Variants in GRIK5 observed in about 807,000 individuals in gnomAD.
The protein encoded by GRIK5 is glutamate ionotropic receptor kainate type subunit 5.
Under a neutral mutation model 97.4 loss-of-function variants are expected in GRIK5, and 43 were observed. The observed-to-expected ratio is 0.44, with a 90% CI of 0.35 to 0.57. GRIK5 has a LOEUF of 0.57. Among genes scored for constraint, GRIK5 ranks in the 20% least tolerant of loss-of-function variants. The pLI, the probability that GRIK5 is intolerant of heterozygous loss-of-function variation, is 0.01. For missense variants in GRIK5, 1,015 were observed against 1,382.0 expected, an observed-to-expected ratio of 0.73 and a Z score of 4.21; for synonymous variants, 580 against 583.5, an observed-to-expected ratio of 0.99 and a Z score of 0.09.
intron 11 of GRIK5, among the ~76,000 whole-genome samples, chr19:42,050,923 C>G (rs575037581): frequency 6.6e-5 from 10 of 152,196 alleles, no homozygotes; most frequent in African/African-American, 2.4e-4. Context: ...TTGGGCACTG[C>G]AAGGGCCTTC....
intron 12 of GRIK5, among the ~76,000 whole-genome samples, chr19:42,029,690 C>T (rs1055886024): frequency 1.3e-5 from 2 of 152,164 alleles, no homozygotes; most frequent in Admixed American, 1.3e-4. Flanking sequence ...ATGAATCTCC[C>T]GATCTGCTGG....
In GRIK5 at chr19:42,002,028, G is replaced by T; in HGVS notation, c.2514+1304C>A. 1 of 635,962 alleles carries T rather than the reference G, an allele frequency of 1.6e-6. No homozygotes were observed. Among genetic ancestry groups the T allele is most frequent in the Non-Finnish European group, 2.9e-6 (1 of 349,524 alleles). 39.4% of individuals were successfully genotyped at this position (635,962 alleles called of 1,614,324 possible). On this transcript the variant is annotated intron_variant, in intron 19 of 19. Transcript: ENST00000593562. This position sits in a 1 kb window ranked among gnomAD's most constrained non-coding sequence, Gnocchi z 5.2. ...GAGTGACCGGAGAAGTGGGAGAAGG[G>T]GAAGAAGGGGCTTTGAGGATTGAGA... is the stretch of plus-strand genomic sequence containing the variant.
At chr19:42,001,036 A>G (rs1159647991) in intron 19 of GRIK5, among the ~76,000 whole-genome samples, 2 of 151,968 alleles carry the variant, frequency 1.3e-5, no homozygotes, top group Non-Finnish European at 2.9e-5. Flanking sequence ...CAACCAATCT[A>G]TACCCCCAAC....
chr19:42,030,367 A>G (rs1006092285), intron 12 of GRIK5, among the ~76,000 whole-genome samples: 1 of 152,034 alleles, frequency 6.6e-6, no homozygotes, highest in Non-Finnish European at 1.5e-5. Flanking sequence ...TTTTTAGTAG[A>G]GATGGGGTTT....
Position 42,069,796 on chromosome 19 carries a change from A to G in GRIK5, c.-606T>C, listed in dbSNP as rs2076398753. Among the ~76,000 whole-genome samples the G allele has an allele frequency of 6.6e-6, 1 of 151,742 alleles. No individual in the cohort carries two copies. Among genetic ancestry groups the G allele is most frequent in the African/African-American group, 2.4e-5 (1 of 41,288 alleles). Reference sequence around the variant, plus strand: ...GCCTGGGCCCTGCCCTGGTTGAGGCAAGGGCCCGGAGTCCTCAAGCCCTCA... The same window carrying G: ...GCCTGGGCCCTGCCCTGGTTGAGGCGAGGGCCCGGAGTCCTCAAGCCCTCA... On this transcript the variant is annotated 5_prime_UTR_variant, in exon 1 of 20. Coordinates refer to ENST00000593562, the MANE Select transcript of GRIK5 (RefSeq NM_002088.5).
At chr19:42,029,009 T>C (rs777280816) in intron 12 of GRIK5, among the ~76,000 whole-genome samples, 5 of 152,116 alleles carry the variant, frequency 3.3e-5, no homozygotes, top group African/African-American at 4.8e-5. Context: ...AGAAGGAGGA[T>C]TGCTTGAGCC....
chr19:42,064,747 C>T (rs1460313750), intron 3 of GRIK5, among the ~76,000 whole-genome samples: 1 of 152,238 alleles, frequency 6.6e-6, no homozygotes, highest in Non-Finnish European at 1.5e-5. Context: ...CACCTTCGAA[C>T]ATTCAGCCCA....
At chr19:42,012,029 G>C (rs2075568830) in intron 15 of GRIK5, among the ~76,000 whole-genome samples, 1 of 152,146 alleles carries the variant, frequency 6.6e-6, no homozygotes, top group Non-Finnish European at 1.5e-5. Flanking sequence ...ACAAAGAACA[G>C]ATGGGACAAA....
At chr19:42,037,594 A>G (rs961635498) in intron 12 of GRIK5, among the ~76,000 whole-genome samples, 1 of 152,222 alleles carries the variant, frequency 6.6e-6, no homozygotes, top group African/African-American at 2.4e-5. Flanking sequence ...GGGGACCTGA[A>G]GCTGGCTCCT....
In GRIK5 at chr19:42,006,690, G is replaced by A. The variant is rs1368684542; in HGVS notation, c.1992C>T (p.Ile664=). The A allele has an allele frequency of 8.1e-6, 13 of 1,613,928 alleles. No individual in the cohort carries two copies. The highest frequency in any genetic ancestry group is 2.7e-5 in the African/African-American group (2 of 74,942). The change falls in exon 16 of 20, where the codon ATC becomes ATT. Residue 664 remains isoleucine (I), a synonymous_variant. Transcript: ENST00000593562. This position sits in a 1 kb window ranked among gnomAD's most constrained non-coding sequence, Gnocchi z 5.3. ...SADDLADQTN[I]EYGTIHAGST... ...AGCCGGCGTGGATGGTGCCATACTC[G>A]ATGTTGGTCTGATCTGCCAGGTCAT...
At position 42,049,175 on chromosome 19, in the gene GRIK5, G is replaced by A. The variant is rs565237632; in HGVS notation, c.1269+4427C>T. On this transcript the variant is annotated intron_variant, in intron 11 of 19. Coordinates refer to ENST00000593562, the MANE Select transcript of GRIK5 (RefSeq NM_002088.5). ...TTTATACACTCACCACTGACAAACC[G>A]AGTAGCAAGTGGAATTTTCATTCAT... is the stretch of plus-strand genomic sequence containing the variant. Among the ~76,000 whole-genome samples the A allele has an allele frequency of 4.2e-4, 64 of 152,210 alleles. 1 individual carries two copies. The South Asian group carries it at 0.011, about 26-fold the overall frequency.
intron 12 of GRIK5, among the ~76,000 whole-genome samples, chr19:42,041,267 G>A (rs1740168461): frequency 6.6e-6 from 1 of 152,158 alleles, no homozygotes; most frequent in Non-Finnish European, 1.5e-5. Flanking sequence ...CTAACGTCAA[G>A]GCTGCCCTGG....
rs1555872458 is a variant in GRIK5, at chr19:42,005,882, C to T, written c.2104G>A (p.Val702Ile). Residue 702 changes from valine to isoleucine, a missense_variant, in exon 17 of 20, where the codon GTC becomes ATC. By Grantham distance (29) the Val-to-Ile change is conservative. Around this residue, in one of 5 missense-constraint regions of GRIK5, gnomAD observed 229 missense variants for 341.0 expected, o/e 0.67. Coordinates refer to ENST00000593562, the MANE Select transcript of GRIK5 (RefSeq NM_002088.5). The stretch of plus-strand genomic sequence containing the variant: ...GCAATGCCCTCTTCTGTGCTCTTGA[C>T]GAACACGCTGGGCTGCTTCGACTGC... ...YMQSKQPSVF[V>I]KSTEEGIARV... The T allele has an allele frequency of 1.9e-6, 3 of 1,611,118 alleles. No individual in the cohort carries two copies. Among genetic ancestry groups the T allele is most frequent in the South Asian group, 1.1e-5 (1 of 90,850 alleles).
At chr19:42,019,651 A>C (rs1158619468) in intron 15 of GRIK5, among the ~76,000 whole-genome samples, 2 of 152,204 alleles carry the variant, frequency 1.3e-5, no homozygotes, top group East Asian at 3.9e-4. Flanking sequence ...GGCCCAAAGG[A>C]ATCACAAGGG....
At chr19:42,007,346 C>T (rs1486476877) in intron 15 of GRIK5, among the ~76,000 whole-genome samples, 2 of 152,164 alleles carry the variant, frequency 1.3e-5, no homozygotes, top group Non-Finnish European at 2.9e-5. Flanking sequence ...CCACCTGCCT[C>T]AGCCTCCCAA....
chr19:42,059,271 A>C, intron 6 of GRIK5, 78 bp downstream of exon 6: 3 of 1,131,606 alleles, frequency 2.7e-6, no homozygotes, highest in Non-Finnish European at 3.9e-6. Flanking sequence ...CCTGAGGCCC[A>C]TGGGCATTGG....
At chr19:42,005,649 C>A in intron 17 of GRIK5, 74 bp downstream of exon 17, 1 of 1,059,642 alleles carries the variant, frequency 9.4e-7, no homozygotes, top group Non-Finnish European at 1.4e-6. Flanking sequence ...GTGCCTGGCC[C>A]GGTCCTGGGC....
rs2075402355 is a variant in GRIK5 at position 41,998,917 on chromosome 19, G to C, written c.2897C>G (p.Pro966Arg). Residue 966 changes from proline (P) to arginine (R), a missense_variant, in exon 20 of 20, where the codon CCG becomes CGG. Pro to Arg is a moderately radical substitution (Grantham distance 103). Transcript: ENST00000593562. ...CCGGGGGCCGGCGGGGCCAGGCCGC[G>C]GCCGGGGCGGGCTGGTGGCTTCGGC... ...VPAEATSPPR[P>R]RPGPAGPREL... The C allele has an allele frequency of 8.9e-7, 1 of 1,123,754 alleles. No individual in the cohort carries two copies. Among genetic ancestry groups the C allele is most frequent in the African/African-American group, 1.7e-5 (1 of 60,412 alleles). 69.6% of individuals were successfully genotyped at this position (1,123,754 alleles called of 1,614,324 possible).
rs1248292628 is a variant in GRIK5 at position 41,999,991 on chromosome 19, C to A, written c.2515-692G>T. ...GGAAGCCAGCCTGCTGGACAGATAA[C>A]CGGGCAGGGCCGAAATGCCCAGGTG... is the stretch of plus-strand genomic sequence containing the variant. On this transcript the variant is annotated intron_variant, in intron 19 of 19. Coordinates refer to ENST00000593562, the MANE Select transcript of GRIK5 (RefSeq NM_002088.5). This position sits in a 1 kb window ranked among gnomAD's most constrained non-coding sequence, Gnocchi z 5.0. Among the ~76,000 whole-genome samples the A allele has an allele frequency of 2.0e-5, 3 of 152,212 alleles. No individual in the cohort carries two copies. The highest frequency in any genetic ancestry group is 2.0e-4 in the Admixed American group (3 of 15,278).
Sources: gnomAD v4.1 joint callset for allele counts (sites outside exome capture counted in the v4.1 genomes callset) on GRCh38, gnomAD v4.1.1 for gene constraint, gnomAD v4.1.1 regional missense constraint, Gnocchi (gnomAD v3.1) non-coding constraint, MANE v1.5 for transcripts, NCBI Gene and HGNC (gene_info 2026-07-23, HGNC 2026-07-21) for gene names.